Variants in CAMTA1 observed in about 807,000 individuals in gnomAD.
CAMTA1 encodes calmodulin binding transcription activator 1.
In CAMTA1, 27 loss-of-function variants were observed where a neutral mutation model predicts 170.9. That is an observed-to-expected ratio of 0.16 (90% CI 0.12 to 0.22). CAMTA1 has a LOEUF of 0.22. Ranked by LOEUF, CAMTA1 falls within the 10% of genes least tolerant of loss-of-function variation. The pLI, the probability that CAMTA1 is intolerant of heterozygous loss-of-function variation, is 1.00. For synonymous variants in CAMTA1, 833 were observed against 891.5 expected (o/e 0.93, Z 1.17); for missense variants, 1,619 against 2,217.2 (o/e 0.73, Z 5.42).
At position 7,253,024 on chromosome 1, in the gene CAMTA1, T is replaced by C. The variant is rs973738700; in HGVS notation, c.438+3398T>C. 2.6e-5 allele frequency among the ~76,000 whole-genome samples: 4 copies of C among 152,146 alleles called. No homozygotes were observed. The East Asian group carries it at 7.7e-4, about 29-fold the overall frequency. ...GAGCTGTTAGGTCCATGATTAGTTG[T>C]CTTGTCTGCAAGCCAAGGAGAAGCT... On this transcript the variant is annotated intron_variant, in intron 5 of 22. Transcript: ENST00000303635.
chr1:7,137,055 C>G, intron 4 of CAMTA1, among the ~76,000 whole-genome samples: 1 of 152,290 alleles, frequency 6.6e-6, no homozygotes, highest in African/African-American at 2.4e-5. Flanking sequence ...GCTGTTGATT[C>G]ATCACCTCTT....
At chr1:7,344,146 C>T (rs183514148) in intron 5 of CAMTA1, among the ~76,000 whole-genome samples, 19 of 152,336 alleles carry the variant, frequency 1.2e-4, no homozygotes, top group African/African-American at 3.1e-4. Flanking sequence ...CCACCACACT[C>T]GGGACCTGAG....
intron 5 of CAMTA1, among the ~76,000 whole-genome samples, chr1:7,262,998 A>G (rs943558793): frequency 6.6e-6 from 1 of 152,166 alleles, no homozygotes. Context: ...AGTAAACCTT[A>G]TTGAAGTAGC....
intron 3 of CAMTA1, among the ~76,000 whole-genome samples, chr1:7,054,612 C>T (rs1707006928): frequency 6.6e-6 from 1 of 152,126 alleles, no homozygotes; most frequent in South Asian, 2.1e-4. Context: ...GGAGAGTTTT[C>T]AGAAGGGATG....
intron 6 of CAMTA1, among the ~76,000 whole-genome samples, chr1:7,543,696 G>T (rs1383725295): frequency 6.6e-6 from 1 of 152,210 alleles, no homozygotes; most frequent in Non-Finnish European, 1.5e-5. Flanking sequence ...TGATTCAGAT[G>T]ATTCTGATGT....
At chr1:7,655,478 CAA>C (rs142281641) in intron 7 of CAMTA1, among the ~76,000 whole-genome samples, 100,608 of 148,266 alleles carry the variant, frequency 0.68, 34,305 homozygotes, top group East Asian at 0.91. Context: ...CCCACCTATA[CAA>C]ACACACACCT....
intron 4 of CAMTA1, among the ~76,000 whole-genome samples, chr1:7,189,669 A>G (rs1007616626): frequency 2.0e-5 from 3 of 152,252 alleles, no homozygotes; most frequent in African/African-American, 7.2e-5. Flanking sequence ...AACGGAACAC[A>G]TCTGCACTGC....
intron 6 of CAMTA1, among the ~76,000 whole-genome samples, chr1:7,581,010 C>G (rs2095256215): frequency 6.6e-6 from 1 of 152,264 alleles, no homozygotes; most frequent in South Asian, 2.1e-4. Context: ...TAAAGTGCCA[C>G]CACACATACG....
At chr1:7,648,049 C>T (rs2095821658) in intron 7 of CAMTA1, among the ~76,000 whole-genome samples, 2 of 152,096 alleles carry the variant, frequency 1.3e-5, no homozygotes, top group South Asian at 4.1e-4. Context: ...GGCGCCACTG[C>T]ACTCCAGCCT....
intron 5 of CAMTA1, among the ~76,000 whole-genome samples, chr1:7,284,563 G>A (rs376890981): frequency 1.3e-5 from 2 of 152,274 alleles, no homozygotes; most frequent in African/African-American, 4.8e-5. Flanking sequence ...AAACACATGG[G>A]TTAATATGGG....
chr1:7,296,753 G>T (rs192513979), intron 5 of CAMTA1, among the ~76,000 whole-genome samples: 34 of 152,154 alleles, frequency 2.2e-4, no homozygotes, highest in African/African-American at 8.0e-4. Flanking sequence ...TATGTCTGGA[G>T]CTCAGGGGAG....
At chr1:7,303,816 A>G (rs1675163466) in intron 5 of CAMTA1, among the ~76,000 whole-genome samples, 1 of 152,190 alleles carries the variant, frequency 6.6e-6, no homozygotes, top group African/African-American at 2.4e-5. Context: ...GTGACTGGAG[A>G]GGAAAGAGCT....
intron 3 of CAMTA1, among the ~76,000 whole-genome samples, chr1:6,953,499 T>C (rs749058365): frequency 4.6e-5 from 7 of 152,228 alleles, no homozygotes; most frequent in Admixed American, 6.5e-5. Flanking sequence ...TAGCAAGTCC[T>C]TCCTTGCTCA....
intron 3 of CAMTA1, among the ~76,000 whole-genome samples, chr1:7,042,052 G>C (rs1704540975): frequency 6.6e-6 from 1 of 151,858 alleles, no homozygotes; most frequent in Non-Finnish European, 1.5e-5. Context: ...TGTCCTTGGG[G>C]ATAGGGTGAT....
At chr1:7,483,820 G>C (rs1403213467) in intron 6 of CAMTA1, among the ~76,000 whole-genome samples, 2 of 152,078 alleles carry the variant, frequency 1.3e-5, no homozygotes, top group Admixed American at 1.3e-4. Context: ...CAGCCCACAG[G>C]CCGTGGCAGG....
Position 6,926,472 on chromosome 1 carries a change from CTT to C in CAMTA1, c.234+101264_234+101265del, listed in dbSNP as rs776968564. 1.2e-4 allele frequency among the ~76,000 whole-genome samples: 16 copies of C among 138,108 alleles called. No homozygotes were observed. The East Asian group carries it at 1.9e-3, about 17-fold the overall frequency. 90.6% of individuals were successfully genotyped at this position (138,108 alleles called of 152,430 possible). On this transcript the variant is annotated intron_variant, in intron 3 of 22. Coordinates refer to ENST00000303635, the MANE Select transcript of CAMTA1 (RefSeq NM_015215.4). Reference sequence around the variant, plus strand: ...TCTTTCTTTCTTTCTTTCTTTCTTTCTTTCTTTCTTTCTTTCTCTCTCTCTTT... The same window carrying C: ...TCTTTCTTTCTTTCTTTCTTTCTTTCTCTTTCTTTCTTTCTCTCTCTCTTT...
At chr1:7,478,449 G>C (rs2093459309) in intron 6 of CAMTA1, among the ~76,000 whole-genome samples, 1 of 152,168 alleles carries the variant, frequency 6.6e-6, no homozygotes, top group African/African-American at 2.4e-5. Context: ...TCCTGGCCTG[G>C]CCTGCCGACG....
At chr1:7,541,028 C>T (rs896478088) in intron 6 of CAMTA1, among the ~76,000 whole-genome samples, 1 of 152,242 alleles carries the variant, frequency 6.6e-6, no homozygotes, top group Non-Finnish European at 1.5e-5. Context: ...CCTCCGCACA[C>T]TGGCTGTTGC....
In CAMTA1 at chr1:6,918,057, A is replaced by C. The variant is rs1681225782; in HGVS notation, c.234+92847A>C. Among the ~76,000 whole-genome samples, 1 of 152,076 alleles carries C rather than the reference A, an allele frequency of 6.6e-6. No homozygotes were observed. Among genetic ancestry groups the C allele is most frequent in the South Asian group, 2.1e-4 (1 of 4,818 alleles). On this transcript the variant is annotated intron_variant, in intron 3 of 22. Coordinates refer to ENST00000303635, the MANE Select transcript of CAMTA1 (RefSeq NM_015215.4). The surrounding 1 kb of genome is among the most constrained non-coding windows in gnomAD (Gnocchi z 4.0). ...ACATCTAGAAGGCCCCAAATGCCCA[A>C]GTTCTTGGGCCTTGCTTGCTTGTCT...
Sources: gnomAD v4.1 joint callset for allele counts (sites outside exome capture counted in the v4.1 genomes callset) on GRCh38, gnomAD v4.1.1 for gene constraint, Gnocchi (gnomAD v3.1) non-coding constraint, MANE v1.5 for transcripts, NCBI Gene and HGNC (gene_info 2026-07-23, HGNC 2026-07-21) for gene names.